Variants in LGR5 observed in about 807,000 individuals in gnomAD.
LGR5 encodes leucine-rich repeat-containing G protein-coupled receptor 5.
A neutral mutation model predicts 76.7 loss-of-function variants in LGR5; 54 were observed. The observed-to-expected ratio is 0.70, with a 90% confidence interval of 0.57 to 0.88. LGR5 has a LOEUF of 0.88. Among genes scored for constraint, LGR5 ranks in the 40% least tolerant of loss-of-function variants. LGR5 has a pLI of 0.00. For synonymous variants in LGR5, 406 were observed against 421.9 expected, an observed-to-expected ratio of 0.96 and a Z score of 0.46; for missense variants, 1,078 against 1,073.3, an observed-to-expected ratio of 1.00 and a Z score of -0.06.
chr12:71,450,695 C>T (rs915265626), intron 1 of LGR5, among the ~76,000 whole-genome samples: 7 of 152,120 alleles, frequency 4.6e-5, no homozygotes, highest in African/African-American at 1.7e-4. Flanking sequence ...GCCTTAATGT[C>T]TCTTCTAACT....
rs552066708 is a variant in LGR5 at position 71,450,558 on chromosome 12, C to T, written c.212+10266C>T. Among the ~76,000 whole-genome samples, 54 of 152,298 alleles carry T rather than the reference C, an allele frequency of 3.5e-4. 2 individuals are homozygous for T. The South Asian group carries it at 0.011, about 32-fold the overall frequency. ...CTCCTGGCCTCAAGTAATTATCCAC[C>T]TCAGCCTTCCAAAGTGCTGGGATTA... On this transcript the variant is annotated intron_variant, in intron 1 of 17. Transcript: ENST00000266674.
chr12:71,444,310 T>G (rs1871891124), intron 1 of LGR5, among the ~76,000 whole-genome samples: 1 of 152,158 alleles, frequency 6.6e-6, no homozygotes, highest in African/African-American at 2.4e-5. Flanking sequence ...CAGTAAATTT[T>G]CTTCATTTTA....
At chr12:71,504,289 G>C (rs902493231) in intron 1 of LGR5, among the ~76,000 whole-genome samples, 1 of 152,106 alleles carries the variant, frequency 6.6e-6, no homozygotes, top group African/African-American at 2.4e-5. Flanking sequence ...GTTATGTCTA[G>C]AGTTGAGTTA....
At chr12:71,574,386 C>T (rs1275427591) in intron 13 of LGR5, among the ~76,000 whole-genome samples, 1 of 148,602 alleles carries the variant, frequency 6.7e-6, no homozygotes, top group African/African-American at 2.5e-5. Flanking sequence ...TGTCTGAATC[C>T]CCCTGAATTC....
At chr12:71,569,925 T>C (rs1453832935) in intron 11 of LGR5, among the ~76,000 whole-genome samples, 3 of 152,204 alleles carry the variant, frequency 2.0e-5, no homozygotes. Flanking sequence ...CCACCAATGA[T>C]AGACTGGATA....
intron 1 of LGR5, among the ~76,000 whole-genome samples, chr12:71,495,221 C>T (rs1055600118): frequency 6.6e-6 from 1 of 151,264 alleles, no homozygotes; most frequent in Non-Finnish European, 1.5e-5. Context: ...CATTCCAGTG[C>T]AGAACATCAG....
intron 14 of LGR5, 127 bp from the exon 15 acceptor site, chr12:71,578,677 A>G: frequency 3.5e-6 from 3 of 869,128 alleles, no homozygotes; most frequent in Non-Finnish European, 5.1e-6. Context: ...TTTTACCATT[A>G]AGAGTAAGGA....
At chr12:71,546,173 G>T (rs1319755184) in intron 4 of LGR5, among the ~76,000 whole-genome samples, 1 of 152,100 alleles carries the variant, frequency 6.6e-6, no homozygotes, top group East Asian at 1.9e-4. Flanking sequence ...AAATTAGCTG[G>T]GTGTGGTGGC....
intron 5 of LGR5, 59 bp downstream of exon 5, chr12:71,553,347 G>A (rs993809871): frequency 2.1e-6 from 3 of 1,414,218 alleles, no homozygotes; most frequent in East Asian, 2.3e-5. Context: ...GAAGACCTTG[G>A]CCTTAAAATG....
At chr12:71,549,413 A>C (rs1002104404) in intron 4 of LGR5, among the ~76,000 whole-genome samples, 2 of 152,216 alleles carry the variant, frequency 1.3e-5, no homozygotes, top group Non-Finnish European at 2.9e-5. Flanking sequence ...AATATATTGT[A>C]TACTTGAAAA....
intron 1 of LGR5, among the ~76,000 whole-genome samples, chr12:71,441,260 A>G (rs1871754712): frequency 1.3e-5 from 2 of 152,086 alleles, no homozygotes; most frequent in African/African-American, 4.8e-5. Flanking sequence ...GAGGAACCCT[A>G]TTCTCGGAGA....
chr12:71,448,676 T>C (rs1415410674), intron 1 of LGR5: 1 of 152,252 alleles, frequency 6.6e-6, no homozygotes, highest in Non-Finnish European at 1.5e-5. Flanking sequence ...ATTATGTGAT[T>C]ATGAAAACCA....
chr12:71,474,302 G>A (rs1001808076), intron 1 of LGR5, among the ~76,000 whole-genome samples: 2 of 152,176 alleles, frequency 1.3e-5, no homozygotes, highest in Admixed American at 6.5e-5. Flanking sequence ...GAATCCCACA[G>A]TTTTCACTCA....
chr12:71,446,538 C>G (rs761403828), intron 1 of LGR5, among the ~76,000 whole-genome samples: 77 of 152,288 alleles, frequency 5.1e-4, no homozygotes, highest in Non-Finnish European at 9.7e-4. Context: ...ATTAGGTAAG[C>G]TTACTGTAAG....
At chr12:71,470,508 A>G (rs993891571) in intron 1 of LGR5, among the ~76,000 whole-genome samples, 15 of 152,168 alleles carry the variant, frequency 9.9e-5, no homozygotes, top group Non-Finnish European at 1.9e-4. Context: ...ATATATATCC[A>G]TAGGTCTATA....
chr12:71,494,971 A>G (rs939734220), intron 1 of LGR5, among the ~76,000 whole-genome samples: 1 of 150,840 alleles, frequency 6.6e-6, no homozygotes, highest in African/African-American at 2.5e-5. Context: ...CTTAACCAGG[A>G]CCTCCAGATG....
chr12:71,552,112 A>G (rs1028325534), intron 4 of LGR5, among the ~76,000 whole-genome samples: 6 of 152,096 alleles, frequency 3.9e-5, no homozygotes, highest in East Asian at 3.9e-4. Flanking sequence ...GAGGGAGAGC[A>G]TTAGGACAAA....
At chr12:71,488,120 T>C (rs1873914597) in intron 1 of LGR5, among the ~76,000 whole-genome samples, 1 of 152,232 alleles carries the variant, frequency 6.6e-6, no homozygotes, top group Non-Finnish European at 1.5e-5. Flanking sequence ...TTGCTTTGGT[T>C]AGTGAGCTAT....
At chr12:71,510,990 C>A (rs950731227) in intron 2 of LGR5, among the ~76,000 whole-genome samples, 1 of 152,148 alleles carries the variant, frequency 6.6e-6, no homozygotes, top group Non-Finnish European at 1.5e-5. Flanking sequence ...AAGACCAGAT[C>A]GTGCAGGGCC....
Sources: gnomAD v4.1 joint callset for allele counts (sites outside exome capture counted in the v4.1 genomes callset) on GRCh38, gnomAD v4.1.1 for gene constraint, MANE v1.5 for transcripts, NCBI Gene and HGNC (gene_info 2026-07-23, HGNC 2026-07-21) for gene names.